MGA: variants seen among roughly 807,000 people sequenced by gnomAD.
The protein encoded by MGA is MAX gene-associated protein.
In MGA, 40 loss-of-function variants were observed where a neutral mutation model predicts 261.1. The observed-to-expected ratio is 0.15, with a 90% confidence interval of 0.12 to 0.20. The LOEUF is 0.20. Among genes scored for constraint, MGA ranks in the 10% least tolerant of loss-of-function variants. The probability of loss-of-function intolerance (pLI) is 1.00; values close to 1 mark genes in which losing one functional copy is unlikely to be tolerated. For missense variants in MGA, 3,397 were observed against 3,630.5 expected, an observed-to-expected ratio of 0.94 and a Z score of 1.65; for synonymous variants, 1,302 against 1,290.6, an observed-to-expected ratio of 1.01 and a Z score of -0.19.
chr15:41,740,456 CT>C (rs1273374143), intron 14 of MGA, among the ~76,000 whole-genome samples: 5 of 151,564 alleles, frequency 3.3e-5, no homozygotes, highest in Admixed American at 2.6e-4. Context: ...ATAACACTGA[CT>C]TGAAGGCAAG....
chr15:41,727,266 T>C lies in MGA; in HGVS notation c.3517T>C (p.Tyr1173His). ...AGGTGAAGTAGATCCAGAACCAGTTTATATCCCCACGCCTTCTGTCATTGA... is the reference window on the plus strand; with the variant it reads ...AGGTGAAGTAGATCCAGAACCAGTTCATATCCCCACGCCTTCTGTCATTGA... Residue 1173 changes from tyrosine to histidine, a missense_variant, in exon 10 of 24, where the codon TAT (tyrosine) becomes CAT (histidine). Tyr to His is a moderately conservative substitution (Grantham distance 83, BLOSUM62 2). Coordinates refer to ENST00000219905, the MANE Select transcript of MGA (RefSeq NM_001164273.2). The C allele has an allele frequency of 6.2e-7, 1 of 1,613,982 alleles. No homozygotes were observed.
intron 1 of MGA, among the ~76,000 whole-genome samples, chr15:41,625,912 A>G (rs2056439598): frequency 6.6e-6 from 1 of 152,134 alleles, no homozygotes; most frequent in African/African-American, 2.4e-5. Flanking sequence ...CTTCTCCCTT[A>G]TCCATGGTTT....
intron 2 of MGA, among the ~76,000 whole-genome samples, chr15:41,677,348 G>A (rs373870784): frequency 1.1e-4 from 17 of 152,268 alleles, no homozygotes; most frequent in African/African-American, 3.8e-4. Context: ...CGCCATGTTG[G>A]CCAGGCTGGT....
At chr15:41,750,706 A>C in intron 17 of MGA, 91 bp downstream of exon 17, 1 of 1,181,768 alleles carries the variant, frequency 8.5e-7, no homozygotes, top group Non-Finnish European at 1.2e-6. Flanking sequence ...ACTAAGGCAT[A>C]ATACATTTAA....
At chr15:41,637,499 G>T in intron 1 of MGA, among the ~76,000 whole-genome samples, 1 of 152,142 alleles carries the variant, frequency 6.6e-6, no homozygotes, top group African/African-American at 2.4e-5. Flanking sequence ...GTGAGGGGTT[G>T]AATAAGCAGA....
Position 41,698,920 on chromosome 15 carries a change from G to T in MGA, c.2071G>T (p.Ala691Ser), listed in dbSNP as rs761422551. 52 of 1,550,468 alleles carry T rather than the reference G, an allele frequency of 3.4e-5. No individual in the cohort carries two copies. The highest frequency in any genetic ancestry group is 4.4e-5 in the Non-Finnish European group (51 of 1,146,736). ...AACAGAAGAATCTTCTAGTCTCCAG[G>T]CATCAACCACAAATGACTCAGGTAT... The change falls in exon 4 of 24, where the codon GCA (alanine) becomes TCA (serine). Residue 691 changes from alanine to serine, a missense_variant. Transcript: ENST00000219905.
intron 5 of MGA, among the ~76,000 whole-genome samples, chr15:41,703,898 C>T (rs2059979839): frequency 6.6e-6 from 1 of 152,180 alleles, no homozygotes; most frequent in African/African-American, 2.4e-5. Context: ...GCAGTCTCGA[C>T]CTCCTGAGCC....
intron 2 of MGA, among the ~76,000 whole-genome samples, chr15:41,672,143 A>G (rs1388465555): frequency 6.6e-6 from 1 of 152,130 alleles, no homozygotes; most frequent in African/African-American, 2.4e-5. Flanking sequence ...TGTTAGGTGA[A>G]AGGGTCAGAC....
At chr15:41,715,860 C>G (rs780221187) in intron 9 of MGA, among the ~76,000 whole-genome samples, 2 of 150,644 alleles carry the variant, frequency 1.3e-5, no homozygotes, top group South Asian at 2.1e-4. Context: ...CTACCCATAT[C>G]TCCTTACTGA....
intron 1 of MGA, among the ~76,000 whole-genome samples, chr15:41,652,183 C>T (rs749007675): frequency 3.3e-5 from 5 of 150,134 alleles, no homozygotes; most frequent in Non-Finnish European, 7.4e-5. Flanking sequence ...ATGTGTTAGC[C>T]AGGATGGTCT....
chr15:41,667,237 C>T (rs931552300), intron 1 of MGA, among the ~76,000 whole-genome samples: 2 of 151,810 alleles, frequency 1.3e-5, no homozygotes, highest in African/African-American at 2.4e-5. Context: ...ATTATTATTA[C>T]TGTTAATGTA....
intron 14 of MGA, 134 bp downstream of exon 14, chr15:41,740,337 C>G: frequency 9.7e-7 from 1 of 1,027,042 alleles, no homozygotes; most frequent in Non-Finnish European, 1.4e-6. Context: ...TCTGTCTTGC[C>G]TGGACTTTTT....
In MGA at chr15:41,653,377, A is replaced by C. The variant is rs567100346; in HGVS notation, c.-67-15451A>C. Reference sequence around the variant, plus strand: ...GACCGAGACTCCATCTCAGAAAAAAAAACAACAAAAAACAACAAACAAACA... The same window carrying C: ...GACCGAGACTCCATCTCAGAAAAAACAACAACAAAAAACAACAAACAAACA... On this transcript the variant is annotated intron_variant, in intron 1 of 8. Coordinates refer to the MGA transcript ENST00000566718. 7.9e-5 allele frequency among the ~76,000 whole-genome samples: 12 copies of C among 152,030 alleles called. No homozygotes were observed. The South Asian group carries it at 1.7e-3, about 21-fold the overall frequency.
intron 1 of MGA, among the ~76,000 whole-genome samples, chr15:41,640,021 G>A (rs1595556180): frequency 6.6e-6 from 1 of 152,148 alleles, no homozygotes; most frequent in Non-Finnish European, 1.5e-5. Flanking sequence ...GAGAATGACA[G>A]TATCCTTTGG....
Position 41,725,856 on chromosome 15 carries a change from ATAAAT to A in MGA, c.3431-1323_3431-1319del, listed in dbSNP as rs1444357550. Among the ~76,000 whole-genome samples, 20 of 18,922 alleles carry A rather than the reference ATAAAT, an allele frequency of 1.1e-3. 2 individuals are homozygous for A. The highest frequency in any genetic ancestry group is 3.0e-3 in the African/African-American group (17 of 5,636). 12.4% of individuals were successfully genotyped at this position (18,922 alleles called of 152,430 possible). ...TCTCAAAAAAAAAAAAAAAAAAAAAATAAATAAATAAATAAATAAATAAGTAAACC... is the reference window on the plus strand; with the variant it reads ...TCTCAAAAAAAAAAAAAAAAAAAAAAAAATAAATAAATAAATAAGTAAACC... On this transcript the variant is annotated intron_variant, in intron 9 of 23. Transcript: ENST00000219905.
At position 41,749,504 on chromosome 15, in the gene MGA, T is replaced by G. The variant is rs927730810; in HGVS notation, c.5897T>G (p.Leu1966Arg). ...TCCATTCTTCAGCATGTTGCTTCCC[T>G]TCAGATGAAGAGAGAATCTCAGAAT... Residue 1966 changes from leucine to arginine, a missense_variant, in exon 17 of 24, where the codon CTT becomes CGT. Transcript: ENST00000219905. 2 of 1,613,934 alleles carry G rather than the reference T, an allele frequency of 1.2e-6. No homozygotes were observed. Among genetic ancestry groups the G allele is most frequent in the Admixed American group, 3.3e-5 (2 of 60,014 alleles).
upstream of MGA, among the ~76,000 whole-genome samples, chr15:41,659,447 CA>C (rs2057285488): frequency 6.6e-6 from 1 of 152,202 alleles, no homozygotes; most frequent in African/African-American, 2.4e-5. Context: ...TCATTGACCA[CA>C]AAATCTGCTC....
At chr15:41,694,015 TG>T (rs988680618) in intron 2 of MGA, among the ~76,000 whole-genome samples, 2 of 152,198 alleles carry the variant, frequency 1.3e-5, no homozygotes, top group South Asian at 4.2e-4. Context: ...AGAAATATTC[TG>T]GGGGGAAAAA....
intron 2 of MGA, among the ~76,000 whole-genome samples, chr15:41,691,066 A>G (rs1228747211): frequency 7.6e-6 from 1 of 131,220 alleles, no homozygotes; most frequent in African/African-American, 2.8e-5. Context: ...TCCCTTTCTG[A>G]AAAAAAAAAT....
Sources: gnomAD v4.1 joint callset for allele counts (sites outside exome capture counted in the v4.1 genomes callset) on GRCh38, gnomAD v4.1.1 for gene constraint, MANE v1.5 for transcripts, NCBI Gene and HGNC (gene_info 2026-07-23, HGNC 2026-07-21) for gene names.